The following ZMYM4 variants were observed in gnomAD, a reference collection of about 807,000 sequenced individuals.
ZMYM4 encodes the protein zinc finger MYM-type containing 4.
A neutral mutation model predicts 183.2 loss-of-function variants in ZMYM4; 31 were observed. The observed-to-expected ratio is 0.17, with a 90% CI of 0.13 to 0.23. The LOEUF is 0.23. Ranked by LOEUF, ZMYM4 falls within the 10% of genes least tolerant of loss-of-function variation. ZMYM4 has a pLI of 1.00. For missense variants in ZMYM4, 1,273 were observed against 1,840.3 expected, an observed-to-expected ratio of 0.69 and a Z score of 5.64; for synonymous variants, 592 against 631.2, an observed-to-expected ratio of 0.94 and a Z score of 0.93.
chr1:35,317,489 A>G (rs1170857446), intron 1 of ZMYM4, among the ~76,000 whole-genome samples: 3 of 152,336 alleles, frequency 2.0e-5, no homozygotes, highest in South Asian at 4.1e-4. Flanking sequence ...CGTAATTTAA[A>G]TAAATTGTAT....
intron 1 of ZMYM4, among the ~76,000 whole-genome samples, chr1:35,299,003 A>C (rs1254848538): frequency 6.6e-6 from 1 of 151,144 alleles, no homozygotes; most frequent in Non-Finnish European, 1.5e-5. Flanking sequence ...TTTCTGAACA[A>C]GTATTTATTT....
intron 1 of ZMYM4, chr1:35,295,906 G>A (rs1640984599): frequency 1.3e-5 from 2 of 152,140 alleles, no homozygotes; most frequent in African/African-American, 4.8e-5. Flanking sequence ...AGATTAAACT[G>A]CCCATCTATT....
intron 10 of ZMYM4, among the ~76,000 whole-genome samples, chr1:35,385,853 T>G (rs1644564388): frequency 1.3e-5 from 2 of 152,198 alleles, no homozygotes; most frequent in Non-Finnish European, 2.9e-5. Context: ...GAAGTTTCAT[T>G]TATCTGGTAG....
intron 5 of ZMYM4, among the ~76,000 whole-genome samples, chr1:35,368,413 A>G (rs2148930280): frequency 6.6e-6 from 1 of 152,354 alleles, no homozygotes; most frequent in African/African-American, 2.4e-5. Context: ...AAACAAATAT[A>G]TAAAATTTTA....
Position 35,319,417 on chromosome 1 carries a change from T to C in ZMYM4, c.40-5943T>C, listed in dbSNP as rs1300541735. Among the ~76,000 whole-genome samples, 5 of 151,156 alleles carry C rather than the reference T, an allele frequency of 3.3e-5. No homozygotes were observed. The East Asian group carries it at 9.7e-4, about 29-fold the overall frequency. On this transcript the variant is annotated intron_variant, in intron 1 of 29. Transcript: ENST00000314607. ...GGTGGGAAGATCACGAGGCCAGGAGTTCAAGACCAGCCTGGGCAATATAGC... is the reference window on the plus strand; with the variant it reads ...GGTGGGAAGATCACGAGGCCAGGAGCTCAAGACCAGCCTGGGCAATATAGC...
In ZMYM4 at chr1:35,413,954, C is replaced by CTTTTTTTTTTTTTT; in HGVS notation, c.3949-8_3949-7insTTTTTTTTTTTTTT. On this transcript the variant is annotated splice_polypyrimidine_tract_variant and intron_variant, in intron 26 of 29. Coordinates refer to ENST00000314607, the MANE Select transcript of ZMYM4 (RefSeq NM_005095.3). ...TTCTTTTTATCAACATGTATATTTT[C>CTTTTTTTTTTTTTT]TTTTTTTTTTCTTGTAGTACCTGTT... is the stretch of plus-strand genomic sequence containing the variant. 2 of 1,199,544 alleles carry CTTTTTTTTTTTTTT rather than the reference C, an allele frequency of 1.7e-6. No homozygotes were observed. Among genetic ancestry groups the CTTTTTTTTTTTTTT allele is most frequent in the Non-Finnish European group, 1.2e-6 (1 of 862,970 alleles). 74.3% of individuals were successfully genotyped at this position (1,199,544 alleles called of 1,614,324 possible).
At chr1:35,320,729 C>T (rs1438182108) in intron 1 of ZMYM4, among the ~76,000 whole-genome samples, 1 of 152,178 alleles carries the variant, frequency 6.6e-6, no homozygotes, top group Non-Finnish European at 1.5e-5. Flanking sequence ...TTATAGGACA[C>T]ACAGTTGGTG....
chr1:35,286,737 C>T (rs1640508650), intron 1 of ZMYM4, among the ~76,000 whole-genome samples: 2 of 146,352 alleles, frequency 1.4e-5, no homozygotes, highest in African/African-American at 5.0e-5. Flanking sequence ...CAGCTAGGAC[C>T]ACAGACAATA....
intron 1 of ZMYM4, among the ~76,000 whole-genome samples, chr1:35,318,700 C>T (rs950721339): frequency 2.6e-5 from 4 of 152,046 alleles, no homozygotes; most frequent in Admixed American, 6.6e-5. Context: ...TCAAGTCATC[C>T]GCCTGCCTTG....
rs929687822 is a variant in ZMYM4, at chr1:35,304,967, T to A, written c.40-20393T>A. On this transcript the variant is annotated intron_variant, in intron 1 of 29. Coordinates refer to ENST00000314607, the MANE Select transcript of ZMYM4 (RefSeq NM_005095.3). ...TTCAAGCGATTCTCCTGCCTCAGCCTCCTAAGTAGGTGGTATTACAGGCAT... is the reference window on the plus strand; with the variant it reads ...TTCAAGCGATTCTCCTGCCTCAGCCACCTAAGTAGGTGGTATTACAGGCAT... Among the ~76,000 whole-genome samples the A allele has an allele frequency of 6.6e-4, 100 of 152,288 alleles. 1 individual carries two copies. The highest frequency in any genetic ancestry group is 2.9e-5 in the Non-Finnish European group (2 of 68,028).
chr1:35,406,845 G>T (rs1476064855), intron 25 of ZMYM4, among the ~76,000 whole-genome samples: 3 of 152,126 alleles, frequency 2.0e-5, no homozygotes, highest in Non-Finnish European at 2.9e-5. Context: ...TTTTAATCTT[G>T]GCCCCACAAT....
intron 1 of ZMYM4, among the ~76,000 whole-genome samples, chr1:35,294,195 C>A (rs1034085106): frequency 1.7e-4 from 26 of 151,266 alleles, no homozygotes; most frequent in Admixed American, 1.5e-3. Context: ...AGTCTTTTCT[C>A]TTGAAATTGA....
intron 2 of ZMYM4, among the ~76,000 whole-genome samples, chr1:35,341,977 G>A (rs566666809): frequency 2.6e-5 from 4 of 152,214 alleles, no homozygotes; most frequent in African/African-American, 4.8e-5. Flanking sequence ...TAAGATTGGA[G>A]TTATAGCTTC....
chr1:35,390,918 C>G (rs1447076881), intron 15 of ZMYM4, among the ~76,000 whole-genome samples: 3 of 152,174 alleles, frequency 2.0e-5, no homozygotes, highest in Non-Finnish European at 4.4e-5. Flanking sequence ...TGTAATCCCA[C>G]CGCCTTTGGA....
intron 1 of ZMYM4, among the ~76,000 whole-genome samples, chr1:35,304,774 T>C (rs981805212): frequency 1.2e-4 from 18 of 151,956 alleles, no homozygotes; most frequent in Admixed American, 1.2e-3. Flanking sequence ...CAGCCTCAAT[T>C]ATTTGATTTC....
At chr1:35,311,470 G>T (rs1391932786) in intron 1 of ZMYM4, among the ~76,000 whole-genome samples, 1 of 150,498 alleles carries the variant, frequency 6.6e-6, no homozygotes, top group Non-Finnish European at 1.5e-5. Context: ...AGTATATAAT[G>T]TTTTGGGACT....
chr1:35,378,598 A>G (rs1644384421), intron 7 of ZMYM4, among the ~76,000 whole-genome samples: 1 of 152,124 alleles, frequency 6.6e-6, no homozygotes, highest in Non-Finnish European at 1.5e-5. Flanking sequence ...GTGTCCTGGG[A>G]TTTTTGAAAG....
chr1:35,335,397 T>G (rs926624773), intron 2 of ZMYM4, among the ~76,000 whole-genome samples: 18 of 151,884 alleles, frequency 1.2e-4, no homozygotes, highest in African/African-American at 4.4e-4. Flanking sequence ...CCACCATACT[T>G]GGCTAATTTT....
intron 1 of ZMYM4, among the ~76,000 whole-genome samples, chr1:35,289,967 CT>C (rs1251042752): frequency 6.6e-6 from 1 of 150,858 alleles, no homozygotes; most frequent in African/African-American, 2.4e-5. Flanking sequence ...TCTTTTTTTT[CT>C]TTTCTTTTCT....
Sources: gnomAD v4.1 joint callset for allele counts (sites outside exome capture counted in the v4.1 genomes callset) on GRCh38, gnomAD v4.1.1 for gene constraint, MANE v1.5 for transcripts, NCBI Gene and HGNC (gene_info 2026-07-23, HGNC 2026-07-21) for gene names.